Variants in AKAP12 observed in about 807,000 individuals in gnomAD.
AKAP12 encodes A-kinase anchor protein 12.
A neutral mutation model predicts 79.9 loss-of-function variants in AKAP12; 32 were observed. That is an observed-to-expected ratio of 0.40 (90% CI 0.30 to 0.54). The LOEUF is 0.54. AKAP12 is among the 20% of genes least tolerant of loss of function. AKAP12 has a pLI of 0.48. For synonymous variants in AKAP12, 808 were observed against 857.0 expected (o/e 0.94, Z 1.00); for missense variants, 2,074 against 2,177.0 (o/e 0.95, Z 0.94).
At chr6:151,268,264 A>G (rs1424471335) in intron 2 of AKAP12, among the ~76,000 whole-genome samples, 1 of 152,146 alleles carries the variant, frequency 6.6e-6, no homozygotes, top group Non-Finnish European at 1.5e-5. Context: ...CTAGAAATAC[A>G]AAATTAGCCA....
chr6:151,278,435 C>T (rs563458145), intron 2 of AKAP12, among the ~76,000 whole-genome samples: 4 of 152,194 alleles, frequency 2.6e-5, no homozygotes, highest in South Asian at 2.1e-4. Context: ...AGACTGGTCT[C>T]GAACTCCTTA....
intron 3 of AKAP12, among the ~76,000 whole-genome samples, chr6:151,348,015 TA>T (rs1426982697): frequency 1.0e-5 from 1 of 98,240 alleles, no homozygotes; most frequent in Non-Finnish European, 2.6e-5. Context: ...ATACTAAAAA[TA>T]CAAAAAAAAA....
chr6:151,302,281 A>G (rs1054801623), intron 2 of AKAP12, among the ~76,000 whole-genome samples: 2 of 152,124 alleles, frequency 1.3e-5, no homozygotes, highest in Admixed American at 1.3e-4. Context: ...AAGTGCTGGG[A>G]TTAAAGGCAT....
At chr6:151,280,880 T>G (rs1053735144) in intron 2 of AKAP12, among the ~76,000 whole-genome samples, 2 of 152,176 alleles carry the variant, frequency 1.3e-5, no homozygotes, top group African/African-American at 4.8e-5. Context: ...GCAATCATAT[T>G]TCACAAACCT....
Position 151,285,981 on chromosome 6 carries a change from G to A in AKAP12, c.163-19766G>A, listed in dbSNP as rs146271330. ...CAACCTTCGCCTCCTGAGTTCAAGC[G>A]ATTCTTCTGCCTCAGCCTCCCAAGT... On this transcript the variant is annotated intron_variant, in intron 2 of 4. Coordinates refer to ENST00000402676, the MANE Select transcript of AKAP12 (RefSeq NM_005100.4). Among the ~76,000 whole-genome samples the A allele has an allele frequency of 4.7e-3, 707 of 151,814 alleles. 4 individuals carry two copies. The highest frequency in any genetic ancestry group is 7.8e-3 in the Non-Finnish European group (528 of 67,962).
chr6:151,250,807 C>T (rs1342150041), intron 2 of AKAP12, among the ~76,000 whole-genome samples: 3 of 151,804 alleles, frequency 2.0e-5, no homozygotes, highest in East Asian at 4.0e-4. Context: ...GGGGTTTCAC[C>T]GTGTTAGCCA....
chr6:151,338,781 C>T (rs1777877850), intron 3 of AKAP12, among the ~76,000 whole-genome samples: 1 of 152,212 alleles, frequency 6.6e-6, no homozygotes, highest in Admixed American at 6.5e-5. Context: ...CAGAATCCTG[C>T]AGAGGTGATG....
At chr6:151,283,889 C>G (rs1776452528) in intron 2 of AKAP12, among the ~76,000 whole-genome samples, 1 of 152,218 alleles carries the variant, frequency 6.6e-6, no homozygotes, top group South Asian at 2.1e-4. Context: ...CCCATTCTGT[C>G]CACAGGGCCT....
At chr6:151,248,597 A>G (rs1204968542) in intron 2 of AKAP12, among the ~76,000 whole-genome samples, 1 of 152,250 alleles carries the variant, frequency 6.6e-6, no homozygotes, top group South Asian at 2.1e-4. Flanking sequence ...ACGGTTTCAC[A>G]TGATGAAAGA....
In AKAP12 at chr6:151,349,578, C is replaced by A; in HGVS notation, c.1187C>A (p.Pro396His). The A allele has an allele frequency of 6.2e-7, 1 of 1,610,862 alleles. No individual in the cohort carries two copies. The highest frequency in any genetic ancestry group is 8.5e-7 in the Non-Finnish European group (1 of 1,179,128). ...TCGCAGGGACCTTCTGAAGAGAAAC[C>A]TGCTCCGTTGGCGACAGAAGTGTTT... is the stretch of plus-strand genomic sequence containing the variant. ...SGSQGPSEEK[P>H]APLATEVFDE... The change falls in exon 4 of 5, where the codon CCT becomes CAT. Residue 396 changes from proline to histidine, a missense_variant. Coordinates refer to ENST00000402676, the MANE Select transcript of AKAP12 (RefSeq NM_005100.4).
Position 151,351,291 on chromosome 6 carries a change from G to C in AKAP12, c.2900G>C (p.Ser967Thr). 6.2e-7 allele frequency: 1 copy of C among 1,614,206 alleles called. No homozygotes were observed. The part of the protein sequence containing the change: ...NREARGDTVV[S>T]EAELTPEAVT... ...GAGGCCCGGGGCGACACGGTCGTTA[G>C]TGAGGCGGAATTGACCCCCGAAGCT... is the stretch of plus-strand genomic sequence containing the variant. Residue 967 changes from serine to threonine, a missense_variant, in exon 4 of 5, where the codon AGT becomes ACT. Ser to Thr is a moderately conservative substitution (Grantham distance 58). Around this residue, in one of 3 missense-constraint regions of AKAP12, gnomAD observed 1,428 missense variants for 1,451.0 expected, o/e 0.98. Coordinates refer to ENST00000402676, the MANE Select transcript of AKAP12 (RefSeq NM_005100.4). The surrounding 1 kb of genome is among the most constrained non-coding windows in gnomAD (Gnocchi z 4.4).
chr6:151,266,965 C>G (rs867917097), intron 2 of AKAP12, among the ~76,000 whole-genome samples: 1 of 136,160 alleles, frequency 7.3e-6, no homozygotes, highest in Non-Finnish European at 1.5e-5. Context: ...TGCCGTGAGC[C>G]GAGATCGCGC....
At chr6:151,250,636 C>T (rs1214334514) in intron 2 of AKAP12, among the ~76,000 whole-genome samples, 7 of 149,014 alleles carry the variant, frequency 4.7e-5, no homozygotes, top group South Asian at 2.1e-4. Flanking sequence ...GACGGAGTCT[C>T]GCTCTGTTGC....
At chr6:151,244,703 A>G (rs1478798631) in intron 2 of AKAP12, among the ~76,000 whole-genome samples, 2 of 152,246 alleles carry the variant, frequency 1.3e-5, no homozygotes, top group African/African-American at 4.8e-5. Context: ...ATTTAAGGCA[A>G]GAATTATATG....
intron 2 of AKAP12, among the ~76,000 whole-genome samples, chr6:151,279,383 T>G (rs1776352451): frequency 6.6e-6 from 1 of 152,096 alleles, no homozygotes; most frequent in African/African-American, 2.4e-5. Context: ...AGGGACTGTT[T>G]TAGGTGATCT....
At chr6:151,266,644 A>T (rs1776035388) in intron 2 of AKAP12, among the ~76,000 whole-genome samples, 1 of 152,204 alleles carries the variant, frequency 6.6e-6, no homozygotes, top group African/African-American at 2.4e-5. Context: ...ACAAATAAAT[A>T]ACACAGGGGA....
chr6:151,351,346 G>C lies in AKAP12; in HGVS notation c.2955G>C (p.Leu985Phe). The C allele has an allele frequency of 6.2e-7, 1 of 1,614,214 alleles. No homozygotes were observed. The highest frequency in any genetic ancestry group is 8.5e-7 in the Non-Finnish European group (1 of 1,180,030). The stretch of plus-strand genomic sequence containing the variant: ...CAGCTGCAGAAACTGCAGGGCCATT[G>C]GGTGCCGAAGAAGGAACCGAAGCAT... ...AVTAAETAGPLGAEEGTEASA... is the reference protein window; with the variant it reads ...AVTAAETAGPFGAEEGTEASA... Residue 985 changes from leucine (L) to phenylalanine (F), a missense_variant, in exon 4 of 5, where the codon TTG becomes TTC. Physicochemically the swap from Leu to Phe is conservative, Grantham distance 22. Coordinates refer to ENST00000402676, the MANE Select transcript of AKAP12 (RefSeq NM_005100.4). This position sits in a 1 kb window ranked among gnomAD's most constrained non-coding sequence, Gnocchi z 4.4.
At position 151,358,341 on chromosome 6, in the gene AKAP12, C is replaced by G. The variant is rs978746761; in HGVS notation, c.*2627C>G. ...TTTGCTTATGGTACCCATGAGTTGC[C>G]TCTCTCTGTACATAGATAAATTGTT... On this transcript the variant is annotated 3_prime_UTR_variant, in exon 5 of 5. Coordinates refer to ENST00000402676, the MANE Select transcript of AKAP12 (RefSeq NM_005100.4). 6.6e-6 allele frequency: 1 copy of G among 152,178 alleles called. No homozygotes were observed. The highest frequency in any genetic ancestry group is 2.4e-5 in the African/African-American group (1 of 41,442). 9.4% of individuals were successfully genotyped at this position (152,178 alleles called of 1,614,324 possible). A position where few individuals can be genotyped will look rare whatever the true frequency, so the allele number is the denominator to read the frequency against.
At chr6:151,270,202 A>G (rs906100396) in intron 2 of AKAP12, among the ~76,000 whole-genome samples, 3 of 152,092 alleles carry the variant, frequency 2.0e-5, no homozygotes, top group Non-Finnish European at 4.4e-5. Flanking sequence ...GATTACAGGC[A>G]TGCACCACCA....
Sources: allele counts gnomAD v4.1 joint callset (sites outside exome capture counted in the v4.1 genomes callset), GRCh38; gene constraint gnomAD v4.1.1; regional missense constraint gnomAD v4.1.1; non-coding constraint Gnocchi (gnomAD v3.1); transcripts MANE v1.5; gene names NCBI Gene and HGNC (gene_info 2026-07-23, HGNC 2026-07-21).